BLTP3A: variants seen among roughly 807,000 people sequenced by gnomAD.
The protein encoded by BLTP3A is ICBP90 binding protein 1.
the BLTP3A span, among the ~76,000 whole-genome samples, chr6:34,827,555 G>A: frequency 6.6e-6 from 1 of 152,094 alleles, no homozygotes; most frequent in African/African-American, 2.4e-5. Context: ...ATGCAGTATC[G>A]GGGTGTGTAT....
chr6:34,837,411 A>G, the BLTP3A span, among the ~76,000 whole-genome samples: 1 of 151,950 alleles, frequency 6.6e-6, no homozygotes, highest in Admixed American at 6.6e-5. Flanking sequence ...GATCAGCTGC[A>G]GTGGGCTCAC....
chr6:34,871,207 C>T, the BLTP3A span: 4 of 1,423,578 alleles, frequency 2.8e-6, no homozygotes, highest in Non-Finnish European at 3.8e-6. Context: ...CACCTGTTAA[C>T]CTCTTCCCTT....
the BLTP3A span, among the ~76,000 whole-genome samples, chr6:34,860,690 G>T: frequency 2.5e-4 from 38 of 152,292 alleles, no homozygotes; most frequent in African/African-American, 8.9e-4. Flanking sequence ...TCTCACAGAT[G>T]AGGAAACTGA....
At chr6:34,833,023 T>C in the BLTP3A span, among the ~76,000 whole-genome samples, 2 of 152,240 alleles carry the variant, frequency 1.3e-5, no homozygotes, top group Non-Finnish European at 2.9e-5. Context: ...GTTTCCTTCA[T>C]TCCTCTCCTT....
chr6:34,803,814 A>G, the BLTP3A span, among the ~76,000 whole-genome samples: 1 of 151,906 alleles, frequency 6.6e-6, no homozygotes, highest in Non-Finnish European at 1.5e-5. Context: ...TAAGGAGGGA[A>G]TACTAGTTAA....
chr6:34,823,688 G>A, the BLTP3A span, among the ~76,000 whole-genome samples: 32,806 of 149,254 alleles, frequency 0.22, 4,302 homozygotes, highest in African/African-American at 0.37. Context: ...GACCACAGGC[G>A]CACATCACCA....
the BLTP3A span, chr6:34,857,871 AG>A: frequency 2.5e-6 from 4 of 1,614,120 alleles, no homozygotes; most frequent in Non-Finnish European, 3.4e-6. Context: ...GATTCAAGTC[AG>A]AAAGATGAAC....
chr6:34,844,384 C>T, the BLTP3A span, among the ~76,000 whole-genome samples: 6 of 152,292 alleles, frequency 3.9e-5, no homozygotes, highest in Admixed American at 2.0e-4. Context: ...AAGCAATTCT[C>T]ATGCCTCACC....
At chr6:34,856,792 T>C in the BLTP3A span, 5 of 1,610,772 alleles carry the variant, frequency 3.1e-6, no homozygotes, top group Non-Finnish European at 4.2e-6. Flanking sequence ...TTATTTAGAT[T>C]CTCTTTCCAG....
At chr6:34,796,796 C>A in the BLTP3A span, among the ~76,000 whole-genome samples, 1 of 152,174 alleles carries the variant, frequency 6.6e-6, no homozygotes, top group African/African-American at 2.4e-5. Context: ...CTCTGCCCCC[C>A]CGAGTTCAAG....
At chr6:34,794,912 G>A in the BLTP3A span, among the ~76,000 whole-genome samples, 13 of 151,948 alleles carry the variant, frequency 8.6e-5, no homozygotes, top group Non-Finnish European at 1.6e-4. Context: ...AGCCTCCTGA[G>A]TAGCTGGGAC....
At chr6:34,813,911 A>G in the BLTP3A span, among the ~76,000 whole-genome samples, 2 of 152,318 alleles carry the variant, frequency 1.3e-5, no homozygotes, top group African/African-American at 2.4e-5. Context: ...TGGGCCTCTT[A>G]TATAATTCTC....
At chr6:34,856,428 G>A in the BLTP3A span, 86 of 1,610,800 alleles carry the variant, frequency 5.3e-5, no homozygotes, top group South Asian at 7.0e-4. Flanking sequence ...TGAGGAACTG[G>A]AAGACTCCAG....
At chr6:34,867,124 T>A in the BLTP3A span, 1 of 1,275,708 alleles carries the variant, frequency 7.8e-7, no homozygotes, top group Admixed American at 3.2e-5. Context: ...ATGAATGTCA[T>A]AAGTATTTTG....
At chr6:34,856,278 T>C in the BLTP3A span, 12 of 1,614,134 alleles carry the variant, frequency 7.4e-6, no homozygotes, top group Non-Finnish European at 1.0e-5. Flanking sequence ...TGTGAGGCCA[T>C]GGAGACCCGA....
chr6:34,865,270 G>A, the BLTP3A span, among the ~76,000 whole-genome samples: 1 of 152,114 alleles, frequency 6.6e-6, no homozygotes, highest in Non-Finnish European at 1.5e-5. Context: ...TACATTCCAT[G>A]TGTAAGTGAG....
the BLTP3A span, chr6:34,857,906 T>G: frequency 6.2e-7 from 1 of 1,613,272 alleles, no homozygotes; most frequent in Admixed American, 1.7e-5. Flanking sequence ...ACTAGATGCA[T>G]TCTGGTTGAA....
the BLTP3A span, among the ~76,000 whole-genome samples, chr6:34,810,269 A>C: frequency 6.6e-6 from 1 of 152,234 alleles, no homozygotes; most frequent in East Asian, 1.9e-4. Context: ...TGCACTAAGC[A>C]TCATGAATAG....
At chr6:34,827,019 AAG>A in the BLTP3A span, among the ~76,000 whole-genome samples, 1 of 152,164 alleles carries the variant, frequency 6.6e-6, no homozygotes, top group South Asian at 2.1e-4. Context: ...ATTTTTAAGA[AAG>A]AGAAAAATAG....
Sources: allele counts gnomAD v4.1 joint callset (sites outside exome capture counted in the v4.1 genomes callset), GRCh38; gene constraint gnomAD v4.1.1; transcripts MANE v1.5; gene names NCBI Gene and HGNC (gene_info 2026-07-23, HGNC 2026-07-21).